KIF1A: variants seen among roughly 807,000 people sequenced by gnomAD.
KIF1A encodes kinesin family member 1A.
Under a neutral mutation model 227.3 loss-of-function variants are expected in KIF1A, and 46 were observed. The ratio of observed to expected loss-of-function variants is 0.20; its 90% CI spans 0.16 to 0.26. KIF1A has a LOEUF of 0.26. Among genes scored for constraint, KIF1A ranks in the 10% least tolerant of loss-of-function variants. The pLI, the probability that KIF1A is intolerant of heterozygous loss-of-function variation, is 1.00. For missense variants in KIF1A, 1,683 were observed against 2,485.9 expected (o/e 0.68, Z 6.87); for synonymous variants, 1,022 against 1,012.8 (o/e 1.01, Z -0.17).
intron 15 of KIF1A, among the ~76,000 whole-genome samples, chr2:240,770,344 G>A (rs1469964753): frequency 6.6e-6 from 1 of 151,962 alleles, no homozygotes; most frequent in Non-Finnish European, 1.5e-5. Context: ...GTGGGAGGTG[G>A]TGACTATTCC....
At chr2:240,723,078 T>C (rs1035225594) in intron 42 of KIF1A, among the ~76,000 whole-genome samples, 1 of 152,174 alleles carries the variant, frequency 6.6e-6, no homozygotes, top group African/African-American at 2.4e-5. Context: ...AGATGCTGCA[T>C]GTTGGTTTCC....
At chr2:240,780,646 C>T (rs1194876468) in intron 10 of KIF1A, among the ~76,000 whole-genome samples, 1 of 151,960 alleles carries the variant, frequency 6.6e-6, no homozygotes, top group African/African-American at 2.4e-5. Context: ...TACCCTCAGG[C>T]CCCCAGAGTT....
At position 240,742,966 on chromosome 2, in the gene KIF1A, G is replaced by A; in HGVS notation, c.3603C>T (p.Arg1201=). 1 of 1,611,372 alleles carries A rather than the reference G, an allele frequency of 6.2e-7. No homozygotes were observed. The highest frequency in any genetic ancestry group is 8.5e-7 in the Non-Finnish European group (1 of 1,178,660). ...KDVLSPLRPS[R]RHFPRVMPLS... ...GTGGCATGACCCGAGGGAAGTGGCGGCGCGAGGGCCTCAGGGGGCTGTGGA... is the reference window on the plus strand; with the variant it reads ...GTGGCATGACCCGAGGGAAGTGGCGACGCGAGGGCCTCAGGGGGCTGTGGA... The change falls in exon 34 of 49, where the codon CGC becomes CGT. Residue 1201 remains arginine (R), a synonymous_variant. Coordinates refer to ENST00000498729, the MANE Select transcript of KIF1A (RefSeq NM_001244008.2).
At position 240,789,686 on chromosome 2, in the gene KIF1A, C is replaced by T. The variant is rs749829134; in HGVS notation, c.107-374G>A. Among the ~76,000 whole-genome samples the T allele has an allele frequency of 5.3e-5, 8 of 152,216 alleles. No homozygotes were observed. The highest frequency in any genetic ancestry group is 1.0e-4 in the Non-Finnish European group (7 of 68,038). On this transcript the variant is annotated intron_variant, in intron 2 of 48. Coordinates refer to ENST00000498729, the MANE Select transcript of KIF1A (RefSeq NM_001244008.2). The surrounding 1 kb of genome is among the most constrained non-coding windows in gnomAD (Gnocchi z 4.8). ...TGGGCTCACAGCCCCTGCCCTGCCC[C>T]GCCCCCTGCTCAGGCCTTTATGCTC...
chr2:240,731,194 C>G (rs1239585241), intron 38 of KIF1A, among the ~76,000 whole-genome samples: 1 of 152,130 alleles, frequency 6.6e-6, no homozygotes, highest in Non-Finnish European at 1.5e-5. Flanking sequence ...GAGGAGGGCC[C>G]ACTGCAGCTG....
chr2:240,770,579 C>T (rs961917465), intron 15 of KIF1A, among the ~76,000 whole-genome samples: 13 of 152,224 alleles, frequency 8.5e-5, no homozygotes, highest in African/African-American at 2.7e-4. Context: ...AACAAGCACC[C>T]ACTCACACAA....
Position 240,717,245 on chromosome 2 carries a change from G to C in KIF1A, c.*119C>G, listed in dbSNP as rs2044667121. On this transcript the variant is annotated 3_prime_UTR_variant, in exon 49 of 49. Transcript: ENST00000498729. The stretch of plus-strand genomic sequence containing the variant: ...CGGGCCTGGCATGGGCGTCCCCTGG[G>C]GGGTCGACCCGGTCGTGGGCTGTCT... The C allele has an allele frequency of 1.0e-6, 1 of 975,354 alleles. No homozygotes were observed. The highest frequency in any genetic ancestry group is 1.6e-6 in the Non-Finnish European group (1 of 635,424). The allele number at this position is 975,354 out of a possible 1,614,324, so 60.4% of individuals were successfully genotyped here. A position where few individuals can be genotyped will look rare whatever the true frequency, so the allele number is the denominator to read the frequency against.
intron 29 of KIF1A, 62 bp downstream of exon 29, chr2:240,747,174 G>T: frequency 7.9e-7 from 1 of 1,268,254 alleles, no homozygotes; most frequent in Non-Finnish European, 1.1e-6. Flanking sequence ...GGAGCAAAGT[G>T]CACAGGACTC....
chr2:240,782,506 G>A, intron 10 of KIF1A, 84 bp downstream of exon 10: 1 of 1,416,006 alleles, frequency 7.1e-7, no homozygotes, highest in Middle Eastern at 1.9e-4. Context: ...TGCCCGCCCC[G>A]CCCCTCACCA....
rs1033320413 is a variant in KIF1A at position 240,766,559 on chromosome 2, G to A, written c.1684+356C>T. Among the ~76,000 whole-genome samples the A allele has an allele frequency of 4.6e-5, 7 of 151,992 alleles. No individual in the cohort carries two copies. The highest frequency in any genetic ancestry group is 1.9e-4 in the East Asian group (1 of 5,186). On this transcript the variant is annotated intron_variant, in intron 19 of 48. Coordinates refer to ENST00000498729, the MANE Select transcript of KIF1A (RefSeq NM_001244008.2). The surrounding 1 kb of genome is among the most constrained non-coding windows in gnomAD (Gnocchi z 5.0). ...CACCCTGGGCCCCAACACGCTTCCCGGCCAGCAGCCCACCTGTGCCCCCAC... is the reference window on the plus strand; with the variant it reads ...CACCCTGGGCCCCAACACGCTTCCCAGCCAGCAGCCCACCTGTGCCCCCAC...
At chr2:240,722,735 T>A in intron 42 of KIF1A, 79 bp from the exon 43 acceptor site, 1 of 1,216,702 alleles carries the variant, frequency 8.2e-7, no homozygotes, top group Non-Finnish European at 1.1e-6. Context: ...AGCAGCAGCA[T>A]GACCCTCTGG....
At chr2:240,744,172 G>T in intron 32 of KIF1A, 112 bp from the exon 33 acceptor site, 1 of 760,182 alleles carries the variant, frequency 1.3e-6, no homozygotes, top group Non-Finnish European at 2.3e-6. Context: ...GGGACCCCTA[G>T]CTGGGCCCAC....
Position 240,767,128 on chromosome 2 carries a change from A to AAACAGGATTGTTTG in KIF1A, c.1578-108_1578-107insCAAACAATCCTGTT, listed in dbSNP as rs1462701274. 5 of 1,129,164 alleles carry AAACAGGATTGTTTG rather than the reference A, an allele frequency of 4.4e-6. No individual in the cohort carries two copies. The African/African-American group carries it at 7.7e-5, about 17-fold the overall frequency. The allele number at this position is 1,129,164 out of a possible 1,614,324, so 69.9% of individuals were successfully genotyped here. On this transcript the variant is annotated intron_variant, in intron 18 of 48. Transcript: ENST00000498729. ...AACCAGGATTGTTTGGGAAACACCC[A>AAACAGGATTGTTTG]GCGCAGACATCAGTGGGGTCGCTGG...
intron 1 of KIF1A, among the ~76,000 whole-genome samples, chr2:240,798,545 G>A (rs1195037514): frequency 6.6e-6 from 1 of 152,238 alleles, no homozygotes; most frequent in Non-Finnish European, 1.5e-5. Context: ...CTGTGTGACA[G>A]CTTCCTGGGC....
At chr2:240,729,093 G>A (rs1291812993) in intron 38 of KIF1A, among the ~76,000 whole-genome samples, 1 of 152,116 alleles carries the variant, frequency 6.6e-6, no homozygotes, top group African/African-American at 2.4e-5. Context: ...ATCACTGTCT[G>A]GTACACATCA....
chr2:240,714,835 T>C lies in KIF1A; in HGVS notation c.*2529A>G, dbSNP rs1474340014. 6.6e-6 allele frequency: 1 copy of C among 152,286 alleles called. No homozygotes were observed. Among genetic ancestry groups the C allele is most frequent in the Non-Finnish European group, 1.5e-5 (1 of 68,100 alleles). 9.4% of individuals were successfully genotyped at this position (152,286 alleles called of 1,614,324 possible). ...AGGAGGGAGTCGGCGGAGGCTGCAG[T>C]GTGGCTCTGGGTCCTAGCCAAGGCC... On this transcript the variant is annotated 3_prime_UTR_variant, in exon 49 of 49. Coordinates refer to ENST00000498729, the MANE Select transcript of KIF1A (RefSeq NM_001244008.2).
chr2:240,740,029 C>T lies in KIF1A; in HGVS notation c.3901+29G>A, dbSNP rs199620150. ...CTCTTCCCACCAGCTCAGCCCCACC[C>T]ACCAAGGCAGCCCCCACACCGCACT... On this transcript the variant is annotated intron_variant, in intron 37 of 48. Transcript: ENST00000498729. The surrounding 1 kb of genome is among the most constrained non-coding windows in gnomAD (Gnocchi z 6.1). The T allele has an allele frequency of 4.2e-4, 652 of 1,548,372 alleles. 2 individuals carry two copies. The African/African-American group carries it at 8.3e-3, about 20-fold the overall frequency.
intron 1 of KIF1A, among the ~76,000 whole-genome samples, chr2:240,810,918 G>T (rs181355193): frequency 6.6e-6 from 1 of 152,216 alleles, no homozygotes; most frequent in African/African-American, 2.4e-5. Flanking sequence ...CCGAGATGCC[G>T]GGTGGTGGTG....
At position 240,741,327 on chromosome 2, in the gene KIF1A, G is replaced by A; in HGVS notation, c.3691C>T (p.His1231Tyr). 6.3e-7 allele frequency: 1 copy of A among 1,599,506 alleles called. No individual in the cohort carries two copies. The highest frequency in any genetic ancestry group is 8.5e-7 in the Non-Finnish European group (1 of 1,175,900). The change falls in exon 35 of 49, where the codon CAC becomes TAC. Residue 1231 changes from histidine (H) to tyrosine (Y), a missense_variant. Around this residue, in one of 12 missense-constraint regions of KIF1A, gnomAD observed 759 missense variants for 1,020.2 expected, o/e 0.74. Transcript: ENST00000498729. The stretch of plus-strand genomic sequence containing the variant: ...TAGACCAGCAGGTCGTACTTGCAGT[G>A]GCAGGGTCCCGGACAGGGCCGCGTC... ...TLTRPCPGPC[H>Y]CKYDLLVYFE...
Sources: gnomAD v4.1 joint callset for allele counts (sites outside exome capture counted in the v4.1 genomes callset) on GRCh38, gnomAD v4.1.1 for gene constraint, gnomAD v4.1.1 regional missense constraint, Gnocchi (gnomAD v3.1) non-coding constraint, MANE v1.5 for transcripts, NCBI Gene and HGNC (gene_info 2026-07-23, HGNC 2026-07-21) for gene names.